Variants in VPS41 observed in about 807,000 individuals in gnomAD.
VPS41 encodes the protein VPS41 subunit of HOPS complex.
A neutral mutation model predicts 130.9 loss-of-function variants in VPS41; 85 were observed. The ratio of observed to expected loss-of-function variants is 0.65; its 90% CI spans 0.55 to 0.78. The LOEUF (loss-of-function observed/expected upper bound fraction) is 0.78, where lower values mean the gene tolerates loss of function less well. Ranked by LOEUF, VPS41 falls within the 30% of genes least tolerant of loss-of-function variation. The pLI, the probability that VPS41 is intolerant of heterozygous loss-of-function variation, is 0.00. For missense variants in VPS41, 874 were observed against 1,018.7 expected (o/e 0.86, Z 1.93); for synonymous variants, 335 against 332.9 (o/e 1.01, Z -0.07).
intron 4 of VPS41, among the ~76,000 whole-genome samples, chr7:38,848,899 T>A (rs1243373097): frequency 6.6e-6 from 1 of 152,096 alleles, no homozygotes; most frequent in Non-Finnish European, 1.5e-5. Context: ...TGCAATGGGG[T>A]CAAGGGCTGG....
At chr7:38,789,398 AG>A (rs1784494213) in intron 10 of VPS41, among the ~76,000 whole-genome samples, 1 of 152,158 alleles carries the variant, frequency 6.6e-6, no homozygotes, top group African/African-American at 2.4e-5. Flanking sequence ...TTCCCTGGAA[AG>A]CAACACTCTA....
chr7:38,869,292 T>C (rs2116338319), intron 2 of VPS41, 39 bp from the exon 3 acceptor site: 1 of 1,470,898 alleles, frequency 6.8e-7, no homozygotes, highest in East Asian at 2.3e-5. Context: ...CCGTCAGAGA[T>C]TTATTTGTTT....
chr7:38,904,129 C>T (rs1391213609), intron 1 of VPS41, among the ~76,000 whole-genome samples: 2 of 152,080 alleles, frequency 1.3e-5, no homozygotes, highest in Non-Finnish European at 2.9e-5. Context: ...CATAAGGAGG[C>T]CCAGGCATCA....
At chr7:38,908,258 T>G (rs775537190) in intron 1 of VPS41, among the ~76,000 whole-genome samples, 17 of 152,186 alleles carry the variant, frequency 1.1e-4, no homozygotes, top group Non-Finnish European at 2.5e-4. Flanking sequence ...ACACTGGAAA[T>G]GGAAACTTAA....
At chr7:38,741,232 C>G (rs1454900402) in intron 25 of VPS41, 1 of 241,408 alleles carries the variant, frequency 4.1e-6, no homozygotes, top group Non-Finnish European at 8.8e-6. Flanking sequence ...TAATTTCATC[C>G]ATTATTAATA....
At chr7:38,767,080 T>C (rs2115812749) in intron 15 of VPS41, among the ~76,000 whole-genome samples, 1 of 152,046 alleles carries the variant, frequency 6.6e-6, no homozygotes, top group African/African-American at 2.4e-5. Flanking sequence ...GGAATTGGGG[T>C]TTGGGGATCG....
intron 2 of VPS41, among the ~76,000 whole-genome samples, chr7:38,897,348 T>A (rs1451223654): frequency 6.6e-6 from 1 of 151,914 alleles, no homozygotes. Flanking sequence ...GCTCCCTTTT[T>A]AAGAAGCAAA....
chr7:38,757,422 GT>G (rs1412236298), intron 18 of VPS41, among the ~76,000 whole-genome samples: 2 of 152,148 alleles, frequency 1.3e-5, no homozygotes, highest in Non-Finnish European at 2.9e-5. Context: ...ACTGAAATGT[GT>G]TTTTCCATTG....
intron 19 of VPS41, among the ~76,000 whole-genome samples, chr7:38,755,295 C>T (rs1284912255): frequency 1.3e-5 from 2 of 152,146 alleles, no homozygotes; most frequent in Admixed American, 6.5e-5. Flanking sequence ...CATCTCTTTA[C>T]CAGTATATCA....
chr7:38,775,270 A>C (rs542281491), intron 11 of VPS41: 1 of 152,324 alleles, frequency 6.6e-6, no homozygotes, highest in East Asian at 1.9e-4. Flanking sequence ...CTATAAAATG[A>C]GTATCTACAT....
At chr7:38,856,125 C>T (rs559340930) in intron 4 of VPS41, among the ~76,000 whole-genome samples, 1 of 152,266 alleles carries the variant, frequency 6.6e-6, no homozygotes, top group East Asian at 1.9e-4. Context: ...CTTGAGGACT[C>T]CACCCTCATG....
intron 25 of VPS41, 68 bp downstream of exon 25, chr7:38,741,917 C>T: frequency 6.4e-7 from 1 of 1,565,348 alleles, no homozygotes; most frequent in Non-Finnish European, 8.7e-7. Context: ...AACATAAACC[C>T]TAGAAATATT....
Position 38,789,966 on chromosome 7 carries a change from C to T in VPS41, c.718-99G>A. On this transcript the variant is annotated intron_variant, in intron 9 of 28. Transcript: ENST00000310301. The stretch of plus-strand genomic sequence containing the variant: ...TATCTTTGTTAAATTAACCTTGTAG[C>T]ACTGCAGATGGAGTACAATCTACCC... The T allele has an allele frequency of 5.1e-6, 6 of 1,182,268 alleles. No individual in the cohort carries two copies. In the South Asian group the frequency reaches 7.7e-5, roughly 15 times the overall value. The allele number at this position is 1,182,268 out of a possible 1,614,324, so 73.2% of individuals were successfully genotyped here. A position where few individuals can be genotyped will look rare whatever the true frequency, so the allele number is the denominator to read the frequency against.
At chr7:38,760,212 T>C (rs1175899160) in intron 17 of VPS41, among the ~76,000 whole-genome samples, 1 of 152,168 alleles carries the variant, frequency 6.6e-6, no homozygotes, top group Non-Finnish European at 1.5e-5. Context: ...TCCTTGACAA[T>C]GTTTAGAACA....
In VPS41 at chr7:38,726,266, T is replaced by C. The variant is rs200252240; in HGVS notation, c.2545A>G (p.Ile849Val). 17 of 1,613,668 alleles carry C rather than the reference T, an allele frequency of 1.1e-5. No homozygotes were observed. Among genetic ancestry groups the C allele is most frequent in the East Asian group, 2.2e-5 (1 of 44,868 alleles). Reference sequence around the variant, plus strand: ...ATGAGCTATTTTTTCATCTCCAAAATTGCACTTCCTGGTCCACGGTTCTTA... The same window carrying C: ...ATGAGCTATTTTTTCATCTCCAAAACTGCACTTCCTGGTCCACGGTTCTTA... ...SAKNRGPGSA[I>V]LEMKK Residue 849 changes from isoleucine (I) to valine (V), a missense_variant, in exon 29 of 29, where the codon ATT becomes GTT. Physicochemically the swap from Ile to Val is conservative, Grantham distance 29. Transcript: ENST00000310301.
At chr7:38,737,707 C>A (rs950347349) in intron 25 of VPS41, among the ~76,000 whole-genome samples, 1 of 152,180 alleles carries the variant, frequency 6.6e-6, no homozygotes, top group African/African-American at 2.4e-5. Context: ...ACCACAATAA[C>A]ACAAGTCCAG....
chr7:38,884,981 T>G (rs1332278047), intron 2 of VPS41, among the ~76,000 whole-genome samples: 3 of 136,834 alleles, frequency 2.2e-5, no homozygotes, highest in Non-Finnish European at 4.6e-5. Context: ...CAAAGTTCTT[T>G]GTACTATACT....
chr7:38,759,080 G>T (rs970270073), intron 17 of VPS41, among the ~76,000 whole-genome samples: 1 of 152,248 alleles, frequency 6.6e-6, no homozygotes, highest in Admixed American at 6.5e-5. Flanking sequence ...TCTAGCAAAT[G>T]AGTCAAATCT....
intron 7 of VPS41, among the ~76,000 whole-genome samples, chr7:38,801,497 G>C (rs1477316992): frequency 6.6e-6 from 1 of 152,026 alleles, no homozygotes; most frequent in Non-Finnish European, 1.5e-5. Flanking sequence ...AAATAAAGTA[G>C]GTCATCATAA....
Sources: allele counts gnomAD v4.1 joint callset (sites outside exome capture counted in the v4.1 genomes callset), GRCh38; gene constraint gnomAD v4.1.1; transcripts MANE v1.5; gene names NCBI Gene and HGNC (gene_info 2026-07-23, HGNC 2026-07-21).